LOXL4: variants seen among roughly 807,000 people sequenced by gnomAD.
LOXL4 encodes the protein lysyl oxidase homolog 4.
In LOXL4, 72 loss-of-function variants were observed where a neutral mutation model predicts 89.1. The observed-to-expected ratio is 0.81, with a 90% confidence interval of 0.67 to 0.98. The LOEUF (loss-of-function observed/expected upper bound fraction) is 0.98. Ranked by LOEUF, LOXL4 falls within the 50% of genes least tolerant of loss-of-function variation. The pLI is 0.00. For synonymous variants in LOXL4, 355 were observed against 392.1 expected, an observed-to-expected ratio of 0.91 and a Z score of 1.12; for missense variants, 984 against 1,017.5, an observed-to-expected ratio of 0.97 and a Z score of 0.45.
In LOXL4 at chr10:98,263,124, C is replaced by T. The variant is rs202031142; in HGVS notation, c.-32-73G>A. On this transcript the variant is annotated intron_variant, in intron 1 of 14. Transcript: ENST00000260702. ...TCAGACCTCTGCAGCAATTTGGCAG[C>T]TCCTGGCAAGACAAAGGAAAGAAAA... 5 of 1,300,266 alleles carry T rather than the reference C, an allele frequency of 3.8e-6. No individual in the cohort carries two copies. The East Asian group carries it at 9.8e-5, about 26-fold the overall frequency. 80.5% of individuals were successfully genotyped at this position (1,300,266 alleles called of 1,614,324 possible).
At chr10:98,249,093 A>C in intron 14 of LOXL4, 102 bp from the exon 15 acceptor site, 13 of 856,654 alleles carry the variant, frequency 1.5e-5, no homozygotes, top group East Asian at 2.6e-5. Context: ...CCTTTATATC[A>C]AGTCATGGCA....
At position 98,259,387 on chromosome 10, in the gene LOXL4, T is replaced by A; in HGVS notation, c.701+4A>T. On this transcript the variant is annotated splice_donor_region_variant and intron_variant, in intron 5 of 14. Coordinates refer to ENST00000260702, the MANE Select transcript of LOXL4 (RefSeq NM_032211.7). ...CCTCCTCCCTCTAGGGTGCTGCTCC[T>A]CACCTAGACTTAGGGTCCCTCATCT... The A allele has an allele frequency of 6.2e-7, 1 of 1,613,054 alleles. No individual in the cohort carries two copies. The highest frequency in any genetic ancestry group is 1.1e-5 in the South Asian group (1 of 90,918).
In LOXL4 at chr10:98,253,779, T is replaced by C; in HGVS notation, c.1609A>G (p.Met537Val). Reference sequence around the variant, plus strand: ...GTCTCCTGCACTAGCTGGGCGTTCATCACCAGGTCTGGTGCACCTGGGGCG... The same window carrying C: ...GTCTCCTGCACTAGCTGGGCGTTCACCACCAGGTCTGGTGCACCTGGGGCG... The part of the protein sequence containing the change: ...SCMDSAPDLV[M>V]NAQLVQETAY... The change falls in exon 11 of 15, where the codon ATG (methionine) becomes GTG (valine). Residue 537 changes from methionine to valine, a missense_variant. Physicochemically the swap from Met to Val is conservative, Grantham distance 21. Transcript: ENST00000260702. 5 of 1,613,990 alleles carry C rather than the reference T, an allele frequency of 3.1e-6. No homozygotes were observed. Among genetic ancestry groups the C allele is most frequent in the East Asian group, 2.2e-5 (1 of 44,884 alleles).
chr10:98,254,938 A>G (rs1488225595), intron 10 of LOXL4, among the ~76,000 whole-genome samples: 1 of 152,228 alleles, frequency 6.6e-6, no homozygotes, highest in Non-Finnish European at 1.5e-5. Flanking sequence ...AACAAGGTCA[A>G]GTGGCCACTT....
intron 12 of LOXL4, 99 bp from the exon 13 acceptor site, chr10:98,251,801 A>C: frequency 7.0e-7 from 1 of 1,420,066 alleles, no homozygotes; most frequent in Non-Finnish European, 9.6e-7. Flanking sequence ...CCCAGTTCAC[A>C]GATTAAGGAC....
At chr10:98,253,524 C>G (rs759045038) in intron 11 of LOXL4, 29 bp downstream of exon 11, 4 of 1,614,066 alleles carry the variant, frequency 2.5e-6, no homozygotes, top group South Asian at 1.1e-5. Context: ...TCCTAACCCT[C>G]TAGTGCCAAT....
intron 1 of LOXL4, among the ~76,000 whole-genome samples, chr10:98,265,818 T>C (rs760226030): frequency 6.6e-6 from 1 of 152,154 alleles, no homozygotes; most frequent in Non-Finnish European, 1.5e-5. Flanking sequence ...CAACTGCAAG[T>C]CCTTGGTACT....
rs1232735027 is a variant in LOXL4 at position 98,259,424 on chromosome 10, A to G, written c.668T>C (p.Val223Ala). 6.2e-7 allele frequency: 1 copy of G among 1,612,944 alleles called. No homozygotes were observed. Among genetic ancestry groups the G allele is most frequent in the Admixed American group, 1.7e-5 (1 of 59,946 alleles). Residue 223 changes from valine (V) to alanine (A), a missense_variant, in exon 5 of 15, where the codon GTC becomes GCC. Physicochemically the swap from Val to Ala is moderately conservative, Grantham distance 64. Coordinates refer to ENST00000260702, the MANE Select transcript of LOXL4 (RefSeq NM_032211.7). ...AGGGTCCCTCATCTTCAGATCCCAGACTTTCCTGTTATGGGAGAAAACAGA... is the reference window on the plus strand; with the variant it reads ...AGGGTCCCTCATCTTCAGATCCCAGGCTTTCCTGTTATGGGAGAAAACAGA... ...VPVDSHYYRKVWDLKMRDPKS... is the reference protein window; with the variant it reads ...VPVDSHYYRKAWDLKMRDPKS...
rs747278511 is a variant in LOXL4, at chr10:98,262,216, G to A, written c.278-3C>T. 3 of 1,613,250 alleles carry A rather than the reference G, an allele frequency of 1.9e-6. No homozygotes were observed. Among genetic ancestry groups the A allele is most frequent in the Non-Finnish European group, 8.5e-7 (1 of 1,179,946 alleles). On this transcript the variant is annotated splice_polypyrimidine_tract_variant and splice_region_variant and intron_variant, in intron 2 of 14. Transcript: ENST00000260702. ...CACATTGTCCAGCCAGATGGGTCCT[G>A]TGGAGTGGAGGTGATGCTCAAAGAT...
intron 3 of LOXL4, among the ~76,000 whole-genome samples, chr10:98,261,601 C>G (rs1019196076): frequency 1.3e-5 from 2 of 152,234 alleles, no homozygotes; most frequent in African/African-American, 2.4e-5. Context: ...CATCACAACA[C>G]GCTGCATTCA....
At chr10:98,254,800 G>A (rs540781240) in intron 10 of LOXL4, among the ~76,000 whole-genome samples, 7 of 152,316 alleles carry the variant, frequency 4.6e-5, no homozygotes, top group African/African-American at 1.7e-4. Flanking sequence ...CCACTCTCAT[G>A]CCCCATCCCT....
rs139275517 is a variant in LOXL4 at position 98,255,681 on chromosome 10, C to T, written c.1487G>A (p.Arg496His). 56 of 1,613,610 alleles carry T rather than the reference C, an allele frequency of 3.5e-5. No homozygotes were observed. In the Middle Eastern group the frequency reaches 8.2e-4, roughly 24 times the overall value. The change falls in exon 10 of 15, where the codon CGC becomes CAC. Residue 496 changes from arginine (R) to histidine (H), a missense_variant. Arg to His is a conservative substitution (Grantham distance 29). Coordinates refer to ENST00000260702, the MANE Select transcript of LOXL4 (RefSeq NM_032211.7). ...RAQEVVMSGV[R>H]CSGTELALQQ... ...CAGGGCCAGCTCTGTGCCTGAGCAG[C>T]GCACCCCACTCATCACCACCTCCTG...
At chr10:98,249,784 C>T (rs1169005449) in intron 14 of LOXL4, among the ~76,000 whole-genome samples, 3 of 152,160 alleles carry the variant, frequency 2.0e-5, no homozygotes, top group Middle Eastern at 3.2e-3. Flanking sequence ...TCTCCGTGTG[C>T]GTAGCCTTGG....
chr10:98,265,818 T>A (rs760226030), intron 1 of LOXL4, among the ~76,000 whole-genome samples: 1 of 152,154 alleles, frequency 6.6e-6, no homozygotes, highest in Non-Finnish European at 1.5e-5. Context: ...CAACTGCAAG[T>A]CCTTGGTACT....
chr10:98,261,131 C>G lies in LOXL4; in HGVS notation c.457-4G>C. On this transcript the variant is annotated splice_polypyrimidine_tract_variant and splice_region_variant and intron_variant, in intron 3 of 14. Transcript: ENST00000260702. ...GCACCTCCTCCAGCCGCCGGCCCTG[C>G]GGGGTGCACAGTCACCTGTGGGCCT... 2.5e-6 allele frequency: 4 copies of G among 1,610,092 alleles called. No individual in the cohort carries two copies. The highest frequency in any genetic ancestry group is 3.4e-6 in the Non-Finnish European group (4 of 1,179,872).
At chr10:98,258,879 T>A (rs1858456232) in intron 6 of LOXL4, 130 bp downstream of exon 6, 2 of 662,348 alleles carry the variant, frequency 3.0e-6, no homozygotes, top group African/African-American at 3.6e-5. Flanking sequence ...TACAGTTCTG[T>A]GATTCACTCT....
At chr10:98,263,101 A>G in intron 1 of LOXL4, 50 bp from the exon 2 acceptor site, 1 of 1,478,520 alleles carries the variant, frequency 6.8e-7, no homozygotes, top group Non-Finnish European at 9.2e-7. Flanking sequence ...CCCAGATCTC[A>G]GACCTCTGCA....
At chr10:98,262,671 T>TTTAAA (rs1254790704) in intron 2 of LOXL4, 72 bp downstream of exon 2, 4 of 1,542,578 alleles carry the variant, frequency 2.6e-6, no homozygotes, top group Non-Finnish European at 3.5e-6. Context: ...GATGGGTGGG[T>TTTAAA]GTCAGTGAGC....
chr10:98,263,159 A>AAT lies in LOXL4; in HGVS notation c.-32-110_-32-109dup, dbSNP rs1021774056. The AAT allele has an allele frequency of 2.3e-5, 13 of 562,502 alleles. No individual in the cohort carries two copies. The Admixed American group carries it at 6.0e-4, about 26-fold the overall frequency. The allele number at this position is 562,502 out of a possible 1,614,324, so 34.8% of individuals were successfully genotyped here. A position where few individuals can be genotyped will look rare whatever the true frequency, so the allele number is the denominator to read the frequency against. Reference sequence around the variant, plus strand: ...GACAAAGGAAAGAAAACCCCCCTCAAATGTGTGTGTGTGTGCACGCGCACA... The same window carrying AAT: ...GACAAAGGAAAGAAAACCCCCCTCAAATATGTGTGTGTGTGTGCACGCGCACA... On this transcript the variant is annotated intron_variant, in intron 1 of 14. Transcript: ENST00000260702.
Sources: gnomAD v4.1 joint callset for allele counts (sites outside exome capture counted in the v4.1 genomes callset) on GRCh38, gnomAD v4.1.1 for gene constraint, MANE v1.5 for transcripts, NCBI Gene and HGNC (gene_info 2026-07-23, HGNC 2026-07-21) for gene names.